AK5: variants seen among roughly 807,000 people sequenced by gnomAD.
AK5 encodes adenylate kinase isoenzyme 5.
A neutral mutation model predicts 69.5 loss-of-function variants in AK5; 27 were observed. The ratio of observed to expected loss-of-function variants is 0.39; its 90% CI spans 0.29 to 0.54. The LOEUF (loss-of-function observed/expected upper bound fraction) is 0.54. Among genes scored for constraint, AK5 ranks in the 20% least tolerant of loss-of-function variants. AK5 has a pLI of 0.71. For missense variants in AK5, 531 were observed against 700.4 expected (o/e 0.76, Z 2.73); for synonymous variants, 260 against 244.4 (o/e 1.06, Z -0.60).
chr1:77,490,275 A>T (rs889515240), intron 10 of AK5, among the ~76,000 whole-genome samples: 1 of 152,142 alleles, frequency 6.6e-6, no homozygotes, highest in African/African-American at 2.4e-5. Flanking sequence ...TCTCACTGAG[A>T]GCAAGCAAAA....
chr1:77,433,297 T>C (rs926937276), intron 8 of AK5, among the ~76,000 whole-genome samples: 6 of 152,184 alleles, frequency 3.9e-5, no homozygotes, highest in Non-Finnish European at 5.9e-5. Flanking sequence ...ATAGTCATCC[T>C]TATTTTTACC....
At chr1:77,331,216 G>A (rs527744033) in intron 5 of AK5, among the ~76,000 whole-genome samples, 1 of 151,296 alleles carries the variant, frequency 6.6e-6, no homozygotes, top group East Asian at 1.9e-4. Context: ...TTTCTTTTTT[G>A]TGTCTTATTG....
At chr1:77,414,773 A>G (rs1348635766) in intron 7 of AK5, among the ~76,000 whole-genome samples, 1 of 152,172 alleles carries the variant, frequency 6.6e-6, no homozygotes, top group East Asian at 1.9e-4. Flanking sequence ...TTTGAGTAAC[A>G]ATATCATTGC....
intron 5 of AK5, 82 bp downstream of exon 5, chr1:77,298,029 A>T: frequency 1.0e-6 from 1 of 955,748 alleles, no homozygotes; most frequent in Non-Finnish European, 1.5e-6. Context: ...TTCTTGGAAG[A>T]CTTGCGATGC....
chr1:77,351,225 C>T (rs575230448), intron 6 of AK5, among the ~76,000 whole-genome samples: 2 of 152,272 alleles, frequency 1.3e-5, no homozygotes, highest in East Asian at 3.9e-4. Context: ...GAAACCCCAT[C>T]TCTACCAAAA....
intron 13 of AK5, among the ~76,000 whole-genome samples, chr1:77,545,107 A>C (rs1027756809): frequency 1.3e-5 from 2 of 152,214 alleles, no homozygotes; most frequent in African/African-American, 4.8e-5. Flanking sequence ...TCAGTGCATG[A>C]CTATATATAC....
intron 8 of AK5, among the ~76,000 whole-genome samples, chr1:77,458,257 C>T (rs1416614004): frequency 1.3e-5 from 2 of 152,100 alleles, no homozygotes; most frequent in Admixed American, 1.3e-4. Flanking sequence ...TTAAGGCCAG[C>T]CTTTTCAAAT....
chr1:77,318,329 A>C (rs1306727124), intron 5 of AK5, among the ~76,000 whole-genome samples: 1 of 152,126 alleles, frequency 6.6e-6, no homozygotes, highest in African/African-American at 2.4e-5. Flanking sequence ...ATTATACAGG[A>C]GCAAGGGAGG....
intron 10 of AK5, among the ~76,000 whole-genome samples, chr1:77,491,620 A>G (rs963363911): frequency 1.3e-5 from 2 of 152,190 alleles, no homozygotes; most frequent in African/African-American, 4.8e-5. Context: ...TTGATTATTT[A>G]AAGTATCTAC....
At chr1:77,318,411 AT>A (rs1159115932) in intron 5 of AK5, among the ~76,000 whole-genome samples, 6 of 152,164 alleles carry the variant, frequency 3.9e-5, no homozygotes, top group African/African-American at 1.4e-4. Context: ...CTTCTCCAAC[AT>A]TGGAGATTAA....
At chr1:77,471,095 G>A (rs1241618175) in intron 8 of AK5, among the ~76,000 whole-genome samples, 1 of 151,064 alleles carries the variant, frequency 6.6e-6, no homozygotes, top group Non-Finnish European at 1.5e-5. Flanking sequence ...TGTTAGCCAA[G>A]ATGGTATCAA....
intron 13 of AK5, chr1:77,540,749 C>T (rs961394415): frequency 6.6e-6 from 1 of 152,166 alleles, no homozygotes; most frequent in Non-Finnish European, 1.5e-5. Flanking sequence ...AGAACACGAT[C>T]TACTAGAATT....
At position 77,368,240 on chromosome 1, in the gene AK5, TA is replaced by T. The variant is rs1295541906; in HGVS notation, c.891+27673del. Among the ~76,000 whole-genome samples the T allele has an allele frequency of 1.7e-3, 6 of 3,476 alleles. 1 individual carries two copies. The highest frequency in any genetic ancestry group is 7.4e-3 in the Non-Finnish European group (3 of 404). The allele number at this position is 3,476 out of a possible 152,430, so 2.3% of individuals were successfully genotyped here. ...CTATATATATATATATATATATATA[TA>T]TATATATATATAATATATATGTTAT... On this transcript the variant is annotated intron_variant, in intron 6 of 13. Transcript: ENST00000354567.
At chr1:77,362,636 A>G (rs12565526) in intron 6 of AK5, among the ~76,000 whole-genome samples, 82,943 of 152,078 alleles carry the variant, frequency 0.55, 23,981 homozygotes, top group East Asian at 0.82. Context: ...TCTAAGCAGG[A>G]CATGAAGCAT....
At chr1:77,471,157 C>T (rs928815817) in intron 8 of AK5, among the ~76,000 whole-genome samples, 3 of 151,808 alleles carry the variant, frequency 2.0e-5, no homozygotes, top group African/African-American at 7.3e-5. Context: ...GCTGGAATTA[C>T]AGGCGTGAGC....
intron 10 of AK5, among the ~76,000 whole-genome samples, chr1:77,509,544 T>G (rs969793959): frequency 6.6e-6 from 1 of 152,124 alleles, no homozygotes; most frequent in Admixed American, 6.5e-5. Context: ...ATAATTTTTC[T>G]CAGAAAAGAG....
chr1:77,320,926 G>C (rs1158976457), intron 5 of AK5, among the ~76,000 whole-genome samples: 1 of 152,106 alleles, frequency 6.6e-6, no homozygotes, highest in African/African-American at 2.4e-5. Context: ...CTAATAAAAA[G>C]TTTCAATATC....
intron 5 of AK5, among the ~76,000 whole-genome samples, chr1:77,302,034 G>A (rs770055235): frequency 4.6e-5 from 7 of 151,506 alleles, no homozygotes; most frequent in Non-Finnish European, 8.8e-5. Flanking sequence ...GCTCACTGCA[G>A]CCTCGAACTC....
intron 5 of AK5, among the ~76,000 whole-genome samples, chr1:77,300,676 G>C (rs1384654104): frequency 6.6e-6 from 1 of 152,124 alleles, no homozygotes; most frequent in South Asian, 2.1e-4. Flanking sequence ...ACACTATCCA[G>C]AGTTAGTTCA....
Sources: allele counts gnomAD v4.1 joint callset (sites outside exome capture counted in the v4.1 genomes callset), GRCh38; gene constraint gnomAD v4.1.1; transcripts MANE v1.5; gene names NCBI Gene and HGNC (gene_info 2026-07-23, HGNC 2026-07-21).